The following PLEKHA8 variants were observed in gnomAD, a reference collection of about 807,000 sequenced individuals.
PLEKHA8 encodes pleckstrin homology domain-containing family A member 8.
A neutral mutation model predicts 68.2 loss-of-function variants in PLEKHA8; 36 were observed. The ratio of observed to expected loss-of-function variants is 0.53; its 90% CI spans 0.40 to 0.70. The LOEUF (loss-of-function observed/expected upper bound fraction) is 0.70, where lower values mean the gene tolerates loss of function less well. Among genes scored for constraint, PLEKHA8 ranks in the 30% least tolerant of loss-of-function variants. The pLI, the probability that PLEKHA8 is intolerant of heterozygous loss-of-function variation, is 0.00. For synonymous variants in PLEKHA8, 211 were observed against 216.1 expected (o/e 0.98, Z 0.20); for missense variants, 505 against 615.4 (o/e 0.82, Z 1.90).
chr7:30,050,985 A>C (rs1434403091), intron 6 of PLEKHA8, among the ~76,000 whole-genome samples: 1 of 152,146 alleles, frequency 6.6e-6, no homozygotes, highest in Non-Finnish European at 1.5e-5. Flanking sequence ...CTATAGCCTC[A>C]ACATCGTGGG....
At chr7:30,070,720 A>C (rs1218290123) in intron 12 of PLEKHA8, among the ~76,000 whole-genome samples, 1 of 151,834 alleles carries the variant, frequency 6.6e-6, no homozygotes, top group Admixed American at 6.6e-5. Context: ...TAATTTTTAT[A>C]TTTTTAGTAG....
At chr7:30,041,404 T>C (rs1383314010) in intron 1 of PLEKHA8, among the ~76,000 whole-genome samples, 3 of 148,552 alleles carry the variant, frequency 2.0e-5, no homozygotes, top group Non-Finnish European at 3.0e-5. Flanking sequence ...GTTGCTATTA[T>C]AATTTACCAG....
At chr7:30,048,949 T>A (rs1792181043) in intron 4 of PLEKHA8, among the ~76,000 whole-genome samples, 1 of 152,214 alleles carries the variant, frequency 6.6e-6, no homozygotes. Flanking sequence ...TTGGTTGTCA[T>A]GACTGAGGGA....
At chr7:30,043,877 T>C (rs973876865) in intron 1 of PLEKHA8, among the ~76,000 whole-genome samples, 2 of 152,136 alleles carry the variant, frequency 1.3e-5, no homozygotes, top group Admixed American at 1.3e-4. Context: ...TGAGCAGCCC[T>C]TGGGGCTCTG....
At chr7:30,056,819 GTA>G (rs974717925) in intron 9 of PLEKHA8, among the ~76,000 whole-genome samples, 1 of 133,668 alleles carries the variant, frequency 7.5e-6, no homozygotes, top group Non-Finnish European at 1.6e-5. Flanking sequence ...TATATGTTAT[GTA>G]TATATATGTT....
At chr7:30,046,083 A>G in intron 2 of PLEKHA8, 127 bp from the exon 3 acceptor site, 1 of 825,084 alleles carries the variant, frequency 1.2e-6, no homozygotes, top group Non-Finnish European at 1.8e-6. Flanking sequence ...AGAGGTAATG[A>G]CTGGCATCCT....
rs940968737 is a variant in PLEKHA8, at chr7:30,080,452, A to T, written c.*1665A>T. On this transcript the variant is annotated 3_prime_UTR_variant, in exon 14 of 14. Transcript: ENST00000449726. The stretch of plus-strand genomic sequence containing the variant: ...GAATTGAGAGCATCATCTCTAGATG[A>T]TGCTGTTCCTGCTGCAGATCTCTAG... The T allele has an allele frequency of 7.1e-6, 7 of 985,172 alleles. No individual in the cohort carries two copies. In the African/African-American group the frequency reaches 1.2e-4, roughly 17 times the overall value. 61.0% of individuals were successfully genotyped at this position (985,172 alleles called of 1,614,324 possible).
chr7:30,122,343 C>T (rs2128025164), intron 13 of PLEKHA8, among the ~76,000 whole-genome samples: 1 of 152,268 alleles, frequency 6.6e-6, no homozygotes, highest in East Asian at 1.9e-4. Context: ...TTTTTTCCCC[C>T]ACTTTCTTAA....
Position 30,077,211 on chromosome 7 carries a change from A to C in PLEKHA8, c.1363-1379A>C, listed in dbSNP as rs567179170. Among the ~76,000 whole-genome samples the C allele has an allele frequency of 7.2e-5, 11 of 152,216 alleles. No homozygotes were observed. The South Asian group carries it at 2.1e-3, about 29-fold the overall frequency. On this transcript the variant is annotated intron_variant, in intron 13 of 13. Transcript: ENST00000449726. ...TGTGAAATCCTATTCTATTATATAT[A>C]ATCTGTTCCTTGTCCCTTTCGAAAT...
intron 1 of PLEKHA8, among the ~76,000 whole-genome samples, chr7:30,039,017 T>C (rs539660268): frequency 1.1e-4 from 17 of 152,074 alleles, no homozygotes; most frequent in African/African-American, 4.1e-4. Context: ...GAAAACGTGT[T>C]GTTCAACATT....
downstream of PLEKHA8, among the ~76,000 whole-genome samples, chr7:30,095,038 C>T (rs896602865): frequency 4.6e-5 from 7 of 152,150 alleles, no homozygotes; most frequent in Non-Finnish European, 8.8e-5. Context: ...TGGGTATATA[C>T]TCAGTAATGG....
At chr7:30,041,647 A>C (rs977149724) in intron 1 of PLEKHA8, among the ~76,000 whole-genome samples, 1 of 152,090 alleles carries the variant, frequency 6.6e-6, no homozygotes, top group Non-Finnish European at 1.5e-5. Flanking sequence ...GTCCTGCCTC[A>C]GTCTCCTAAA....
At chr7:30,074,550 CG>C (rs1794494419) in intron 13 of PLEKHA8, among the ~76,000 whole-genome samples, 1 of 152,020 alleles carries the variant, frequency 6.6e-6, no homozygotes, top group Non-Finnish European at 1.5e-5. Flanking sequence ...AGCAGAAGTA[CG>C]TAGGAAGCAG....
chr7:30,071,343 C>T (rs1178241285), intron 12 of PLEKHA8, among the ~76,000 whole-genome samples: 1 of 152,164 alleles, frequency 6.6e-6, no homozygotes, highest in Non-Finnish European at 1.5e-5. Context: ...CCCAGCATGC[C>T]ATGAGCTCTC....
Position 30,062,714 on chromosome 7 carries a change from T to A in PLEKHA8, c.1272T>A (p.Asn424Lys). Residue 424 changes from asparagine to lysine, a missense_variant, in exon 12 of 14, where the codon AAT becomes AAA. Coordinates refer to ENST00000449726, the MANE Select transcript of PLEKHA8 (RefSeq NM_001197026.2). ...AGGGATTTTTGACAGAAGTGAAAAATGGGGAGAAGGATATCCAGACAGCCC... is the reference window on the plus strand; with the variant it reads ...AGGGATTTTTGACAGAAGTGAAAAAAGGGGAGAAGGATATCCAGACAGCCC... ...FLKGFLTEVK[N>K]GEKDIQTALN... 3 of 1,613,464 alleles carry A rather than the reference T, an allele frequency of 1.9e-6. No individual in the cohort carries two copies. The South Asian group carries it at 3.3e-5, about 18-fold the overall frequency.
downstream of PLEKHA8, among the ~76,000 whole-genome samples, chr7:30,091,105 AG>A (rs1457824063): frequency 1.3e-5 from 2 of 152,196 alleles, no homozygotes; most frequent in Non-Finnish European, 2.9e-5. Context: ...TCAAGGCTGC[AG>A]GCCACTGCCC....
At chr7:30,078,312 ACT>A (rs367932539) in intron 13 of PLEKHA8, among the ~76,000 whole-genome samples, 1 of 151,618 alleles carries the variant, frequency 6.6e-6, no homozygotes, top group Non-Finnish European at 1.5e-5. Context: ...CTTTTCTCAG[ACT>A]CTCTCTCTCA....
chr7:30,076,164 G>A (rs1270394716), intron 13 of PLEKHA8, among the ~76,000 whole-genome samples: 1 of 151,394 alleles, frequency 6.6e-6, no homozygotes, highest in African/African-American at 2.4e-5. Context: ...CCTTTAGCTT[G>A]TATAATTTTA....
At chr7:30,034,011 T>G (rs13237224) in intron 1 of PLEKHA8, among the ~76,000 whole-genome samples, 2 of 9,062 alleles carry the variant, frequency 2.2e-4, no homozygotes, top group South Asian at 8.6e-3. Context: ...AAGAGGTTTC[T>G]TTTTTTTTTT....
Sources: allele counts gnomAD v4.1 joint callset (sites outside exome capture counted in the v4.1 genomes callset), GRCh38; gene constraint gnomAD v4.1.1; transcripts MANE v1.5; gene names NCBI Gene and HGNC (gene_info 2026-07-23, HGNC 2026-07-21).